Variants in RBKS observed in about 807,000 individuals in gnomAD.
The protein encoded by RBKS is ribokinase.
In RBKS, 33 loss-of-function variants were observed where a neutral mutation model predicts 33.9. The observed-to-expected ratio is 0.97, with a 90% CI of 0.74 to 1.30. RBKS has a LOEUF of 1.30. RBKS is among the 50% of genes most tolerant of loss of function. The probability of loss-of-function intolerance (pLI) is 0.00; values close to 1 mark genes in which losing one functional copy is unlikely to be tolerated. For missense variants in RBKS, 361 were observed against 392.6 expected (o/e 0.92, Z 0.68); for synonymous variants, 125 against 143.0 (o/e 0.87, Z 0.90).
intron 7 of RBKS, among the ~76,000 whole-genome samples, chr2:27,816,536 C>T (rs1678096448): frequency 6.6e-6 from 1 of 152,174 alleles, no homozygotes; most frequent in African/African-American, 2.4e-5. Context: ...ATGTTGTGCA[C>T]TCTCTGTAAC....
intron 7 of RBKS, among the ~76,000 whole-genome samples, chr2:27,802,047 A>AT (rs1677807559): frequency 9.2e-6 from 1 of 109,174 alleles, no homozygotes; most frequent in South Asian, 3.3e-4. Context: ...TATGTTGCCC[A>AT]TGCTGGTCTT....
intron 7 of RBKS, among the ~76,000 whole-genome samples, chr2:27,801,990 ATATTTTTTTTTTT>A (rs1677804716): frequency 2.8e-5 from 2 of 70,886 alleles, no homozygotes; most frequent in African/African-American, 1.5e-4. Flanking sequence ...ATATATATAT[ATATTTTTTTTTTT>A]TTTTTTTTTT....
rs145768805 is a variant in RBKS at position 27,847,484 on chromosome 2, T to C, written c.287-380A>G. Among the ~76,000 whole-genome samples, 968 of 152,336 alleles carry C rather than the reference T, an allele frequency of 6.4e-3. 7 individuals carry two copies. Among genetic ancestry groups the C allele is most frequent in the Non-Finnish European group, 7.9e-3 (538 of 68,026 alleles). On this transcript the variant is annotated intron_variant, in intron 3 of 7. Coordinates refer to ENST00000302188, the MANE Select transcript of RBKS (RefSeq NM_022128.3). ...GTCAAATCTATAAAATGAACTTGTT[T>C]GATTATTTTCATTCTCATAAGCTTG...
intron 4 of RBKS, among the ~76,000 whole-genome samples, chr2:27,844,934 T>C (rs1348914803): frequency 2.0e-5 from 3 of 152,188 alleles, no homozygotes; most frequent in Non-Finnish European, 4.4e-5. Context: ...TGTACAGACA[T>C]GACCTAAAAT....
chr2:27,853,020 T>G (rs1663783273), intron 2 of RBKS, among the ~76,000 whole-genome samples: 1 of 152,112 alleles, frequency 6.6e-6, no homozygotes, highest in South Asian at 2.1e-4. Flanking sequence ...AAAATCTCAG[T>G]TATTAAAGCT....
intron 2 of RBKS, among the ~76,000 whole-genome samples, chr2:27,853,017 C>G (rs1428563264): frequency 6.6e-6 from 1 of 152,192 alleles, no homozygotes; most frequent in African/African-American, 2.4e-5. Context: ...TATAAAATCT[C>G]AGTTATTAAA....
At chr2:27,842,119 C>T (rs1663524599) in intron 5 of RBKS, among the ~76,000 whole-genome samples, 1 of 152,110 alleles carries the variant, frequency 6.6e-6, no homozygotes, top group African/African-American at 2.4e-5. Context: ...TCTGCTAGGA[C>T]CACGAAGCTG....
intron 4 of RBKS, among the ~76,000 whole-genome samples, chr2:27,846,689 G>T (rs1044488643): frequency 2.6e-5 from 4 of 152,162 alleles, no homozygotes; most frequent in African/African-American, 9.7e-5. Context: ...CTTACCTAGT[G>T]TAACTGAAAT....
intron 5 of RBKS, among the ~76,000 whole-genome samples, chr2:27,834,674 A>G (rs890328200): frequency 6.6e-6 from 1 of 152,190 alleles, no homozygotes; most frequent in Non-Finnish European, 1.5e-5. Flanking sequence ...TCAGAACAAT[A>G]TACTGTTCCC....
intron 7 of RBKS, among the ~76,000 whole-genome samples, chr2:27,819,288 G>C (rs979049192): frequency 1.3e-5 from 2 of 152,126 alleles, no homozygotes; most frequent in African/African-American, 4.8e-5. Context: ...TGCACACAGA[G>C]AGAGAGAGAA....
At chr2:27,794,623 T>C (rs1315641708) in intron 7 of RBKS, among the ~76,000 whole-genome samples, 2 of 135,598 alleles carry the variant, frequency 1.5e-5, no homozygotes, top group East Asian at 3.0e-4. Flanking sequence ...CGTTTTTTTT[T>C]CTTTTTTTTT....
intron 2 of RBKS, among the ~76,000 whole-genome samples, chr2:27,850,894 T>C (rs1422749323): frequency 6.6e-6 from 1 of 152,174 alleles, no homozygotes; most frequent in Non-Finnish European, 1.5e-5. Context: ...ATTCAGAGGT[T>C]CTGGTAACAC....
chr2:27,862,114 A>C (rs1398357146), intron 1 of RBKS, among the ~76,000 whole-genome samples: 1 of 151,500 alleles, frequency 6.6e-6, no homozygotes, highest in Non-Finnish European at 1.5e-5. Flanking sequence ...CTCCTGGTTA[A>C]TTTTTTGTAT....
intron 2 of RBKS, 27 bp from the exon 3 acceptor site, chr2:27,848,124 G>C: frequency 7.8e-7 from 1 of 1,289,768 alleles, no homozygotes; most frequent in Non-Finnish European, 1.1e-6. Flanking sequence ...ATGAATATTA[G>C]ATCTTTTAGA....
At chr2:27,869,005 A>G (rs1376050432) in intron 1 of RBKS, among the ~76,000 whole-genome samples, 2 of 152,200 alleles carry the variant, frequency 1.3e-5, no homozygotes, top group Admixed American at 6.5e-5. Context: ...TGAGAAAGTT[A>G]TTATTATTTT....
intron 7 of RBKS, among the ~76,000 whole-genome samples, chr2:27,807,993 A>C (rs73923918): frequency 0.054 from 8,248 of 152,242 alleles, 748 homozygotes; most frequent in African/African-American, 0.19. Flanking sequence ...ACTCCTCTCT[A>C]ATTTACAGCA....
chr2:27,885,444 A>AAGCAAGTT (rs965787440), intron 1 of RBKS, among the ~76,000 whole-genome samples: 2 of 152,152 alleles, frequency 1.3e-5, no homozygotes, highest in African/African-American at 4.8e-5. Context: ...GTATGACTCA[A>AAGCAAGTT]TGTCCTTTAA....
At chr2:27,853,645 G>A (rs368272047) in intron 2 of RBKS, among the ~76,000 whole-genome samples, 22 of 152,244 alleles carry the variant, frequency 1.4e-4, no homozygotes, top group African/African-American at 5.3e-4. Context: ...GCAACAGAGT[G>A]AGATCCTGTC....
intron 3 of RBKS, 146 bp from the exon 4 acceptor site, chr2:27,847,250 C>T: frequency 1.8e-6 from 1 of 547,256 alleles, no homozygotes. Context: ...GTAATTAGTG[C>T]TAATTTATAC....
Sources: gnomAD v4.1 joint callset for allele counts (sites outside exome capture counted in the v4.1 genomes callset) on GRCh38, gnomAD v4.1.1 for gene constraint, MANE v1.5 for transcripts, NCBI Gene and HGNC (gene_info 2026-07-23, HGNC 2026-07-21) for gene names.